The following EFHD2 variants were observed in gnomAD, a reference collection of about 807,000 sequenced individuals.
The protein encoded by EFHD2 is EF-hand domain family member D2.
EFHD2 carries 12 observed loss-of-function variants against 20.3 expected under a neutral mutation model. That is an observed-to-expected ratio of 0.59 (90% CI 0.38 to 0.96). The LOEUF (loss-of-function observed/expected upper bound fraction) is 0.96. Ranked by LOEUF, EFHD2 falls within the 40% of genes least tolerant of loss-of-function variation. The probability of loss-of-function intolerance (pLI) is 0.00; values close to 1 mark genes in which losing one functional copy is unlikely to be tolerated. For synonymous variants in EFHD2, 131 were observed against 143.9 expected, an observed-to-expected ratio of 0.91 and a Z score of 0.64; for missense variants, 250 against 334.3, an observed-to-expected ratio of 0.75 and a Z score of 1.97.
chr1:15,419,537 A>G (rs928337615), intron 1 of EFHD2, among the ~76,000 whole-genome samples: 1 of 151,816 alleles, frequency 6.6e-6, no homozygotes, highest in Non-Finnish European at 1.5e-5. Context: ...GAGAGGGGCC[A>G]GGGAGGAGAA....
chr1:15,415,131 G>T (rs1392288788), intron 1 of EFHD2, among the ~76,000 whole-genome samples: 1 of 152,176 alleles, frequency 6.6e-6, no homozygotes, highest in African/African-American at 2.4e-5. Context: ...TCTTCCAACA[G>T]ATATTAAGTT....
intron 1 of EFHD2, among the ~76,000 whole-genome samples, chr1:15,423,115 G>A (rs561276034): frequency 1.5e-3 from 235 of 152,294 alleles, no homozygotes; most frequent in African/African-American, 5.4e-3. Context: ...GCAGCAAACA[G>A]GGACCAGAGA....
intron 1 of EFHD2, among the ~76,000 whole-genome samples, chr1:15,415,915 C>G (rs1419220916): frequency 6.6e-6 from 1 of 152,086 alleles, no homozygotes; most frequent in Non-Finnish European, 1.5e-5. Flanking sequence ...GCAAGGAGCC[C>G]CTGGAGGCCA....
intron 1 of EFHD2, among the ~76,000 whole-genome samples, chr1:15,410,721 C>T (rs998194950): frequency 7.9e-5 from 12 of 152,152 alleles, no homozygotes; most frequent in African/African-American, 2.6e-4. Context: ...TCCCCGATCC[C>T]AGCTACTCGC....
At position 15,429,142 on chromosome 1, in the gene EFHD2, C is replaced by A; in HGVS notation, c.*418C>A. 1 of 198,198 alleles carries A rather than the reference C, an allele frequency of 5.0e-6. No homozygotes were observed. 12.3% of individuals were successfully genotyped at this position (198,198 alleles called of 1,614,324 possible). ...CCTCCTCCAGCAGGCCGCACCGCCCCTGGGGCCCCCTGCCAGCCCCTTCCC... is the reference window on the plus strand; with the variant it reads ...CCTCCTCCAGCAGGCCGCACCGCCCATGGGGCCCCCTGCCAGCCCCTTCCC... On this transcript the variant is annotated 3_prime_UTR_variant, in exon 4 of 4. Transcript: ENST00000375980.
intron 1 of EFHD2, among the ~76,000 whole-genome samples, chr1:15,422,085 ATTT>A (rs71000400): frequency 2.3e-5 from 2 of 86,638 alleles, no homozygotes; most frequent in African/African-American, 4.6e-5. Context: ...AGGTCATTCC[ATTT>A]TTTTTTTTTT....
At chr1:15,428,015 CT>C (rs1707902770) in intron 3 of EFHD2, 2 of 470,542 alleles carry the variant, frequency 4.3e-6, no homozygotes, top group Non-Finnish European at 8.8e-6. Context: ...TATAGGTTCT[CT>C]ATTTCAATCC....
In EFHD2 at chr1:15,426,644, G is replaced by A. The variant is rs72865108; in HGVS notation, c.457-506G>A. ...TGCAGGGAAGGAGAGAGGTGGCAGG[G>A]GCAGGTGGGGGAGTGCGAGTGGCTG... is the stretch of plus-strand genomic sequence containing the variant. On this transcript the variant is annotated intron_variant, in intron 2 of 3. Coordinates refer to ENST00000375980, the MANE Select transcript of EFHD2 (RefSeq NM_024329.6). The surrounding 1 kb of genome is among the most constrained non-coding windows in gnomAD (Gnocchi z 4.6). Among the ~76,000 whole-genome samples, 3,235 of 152,248 alleles carry A rather than the reference G, an allele frequency of 0.021. 112 individuals are homozygous for A. Among genetic ancestry groups the A allele is most frequent in the African/African-American group, 0.074 (3,061 of 41,528 alleles).
chr1:15,421,726 C>G (rs1375752401), intron 1 of EFHD2, among the ~76,000 whole-genome samples: 1 of 152,198 alleles, frequency 6.6e-6, no homozygotes, highest in Non-Finnish European at 1.5e-5. Flanking sequence ...ATAAATAAAG[C>G]TGGGGCTCAG....
At chr1:15,418,991 A>C (rs944945561) in intron 1 of EFHD2, among the ~76,000 whole-genome samples, 1 of 152,274 alleles carries the variant, frequency 6.6e-6, no homozygotes, top group African/African-American at 2.4e-5. Flanking sequence ...CGTGCCTGGC[A>C]CATAGCAAGT....
chr1:15,423,466 C>T (rs990876694), intron 1 of EFHD2, among the ~76,000 whole-genome samples: 13 of 152,194 alleles, frequency 8.5e-5, no homozygotes, highest in African/African-American at 2.9e-4. Flanking sequence ...CTGCAGCAGC[C>T]CCAGGACACG....
At chr1:15,415,613 C>A (rs1707651961) in intron 1 of EFHD2, among the ~76,000 whole-genome samples, 1 of 151,894 alleles carries the variant, frequency 6.6e-6, no homozygotes, top group Non-Finnish European at 1.5e-5. Context: ...TTCAGCCTCC[C>A]AAGTAGCTGG....
chr1:15,417,561 GTC>G (rs371262552), intron 1 of EFHD2, among the ~76,000 whole-genome samples: 59 of 149,514 alleles, frequency 3.9e-4, no homozygotes, highest in Non-Finnish European at 3.9e-4. Flanking sequence ...CTATCTCTCC[GTC>G]TCTCTCTCTC....
chr1:15,419,661 T>A (rs1245656536), intron 1 of EFHD2, among the ~76,000 whole-genome samples: 1 of 152,216 alleles, frequency 6.6e-6, no homozygotes, highest in East Asian at 1.9e-4. Flanking sequence ...GACCAGGCTA[T>A]CTGGGTGGAT....
rs568032031 is a variant in EFHD2 at position 15,420,008 on chromosome 1, T to C, written c.309-5863T>C. On this transcript the variant is annotated intron_variant, in intron 1 of 3. Transcript: ENST00000375980. ...TGCGTCGGGCCTAGTAGGGGAAAAGTGGGCCTTTAGAGGAGAGGTCATGCT... is the reference window on the plus strand; with the variant it reads ...TGCGTCGGGCCTAGTAGGGGAAAAGCGGGCCTTTAGAGGAGAGGTCATGCT... 1.5e-4 allele frequency among the ~76,000 whole-genome samples: 23 copies of C among 152,256 alleles called. No homozygotes were observed. The South Asian group carries it at 2.5e-3, about 16-fold the overall frequency.
At chr1:15,421,063 T>C (rs1707781787) in intron 1 of EFHD2, among the ~76,000 whole-genome samples, 1 of 152,122 alleles carries the variant, frequency 6.6e-6, no homozygotes, top group African/African-American at 2.4e-5. Context: ...AGAGTCTGCT[T>C]GTATCGTCTC....
chr1:15,419,862 C>T (rs1707758717), intron 1 of EFHD2, among the ~76,000 whole-genome samples: 1 of 152,288 alleles, frequency 6.6e-6, no homozygotes, highest in Non-Finnish European at 1.5e-5. Flanking sequence ...AGAGTAGCCC[C>T]TTCCTCACTT....
chr1:15,410,315 C>G, intron 1 of EFHD2, 36 bp downstream of exon 1: 2 of 1,543,426 alleles, frequency 1.3e-6, no homozygotes, highest in Non-Finnish European at 1.7e-6. Flanking sequence ...CCGCCCGCCC[C>G]GCGACCCGGT....
intron 1 of EFHD2, among the ~76,000 whole-genome samples, chr1:15,412,576 C>T (rs540927137): frequency 2.6e-5 from 4 of 152,250 alleles, no homozygotes; most frequent in African/African-American, 9.6e-5. Flanking sequence ...GGCGGATTGT[C>T]CATTCATGTC....
Sources: allele counts gnomAD v4.1 joint callset (sites outside exome capture counted in the v4.1 genomes callset), GRCh38; gene constraint gnomAD v4.1.1; non-coding constraint Gnocchi (gnomAD v3.1); transcripts MANE v1.5; gene names NCBI Gene and HGNC (gene_info 2026-07-23, HGNC 2026-07-21).